Variants in DEPTOR observed in about 807,000 individuals in gnomAD.
The protein encoded by DEPTOR is DEP domain containing MTOR interacting protein.
A neutral mutation model predicts 41.6 loss-of-function variants in DEPTOR; 41 were observed. The ratio of observed to expected loss-of-function variants is 0.98; its 90% CI spans 0.77 to 1.28. DEPTOR has a LOEUF of 1.28. DEPTOR is among the 50% of genes most tolerant of loss of function. The pLI is 0.00. For synonymous variants in DEPTOR, 195 were observed against 192.3 expected (o/e 1.01, Z -0.12); for missense variants, 514 against 527.9 (o/e 0.97, Z 0.26).
chr8:119,952,679 G>C (rs1351216757), intron 3 of DEPTOR, among the ~76,000 whole-genome samples: 1 of 152,192 alleles, frequency 6.6e-6, no homozygotes, highest in Admixed American at 6.5e-5. Context: ...TGTGGGTTTG[G>C]TTTTCTGTTC....
At chr8:119,947,238 A>G (rs541400960) in intron 3 of DEPTOR, among the ~76,000 whole-genome samples, 6 of 152,194 alleles carry the variant, frequency 3.9e-5, no homozygotes, top group Non-Finnish European at 7.4e-5. Flanking sequence ...AGAAAGGGGG[A>G]CAAGGTAATT....
rs750307232 is a variant in DEPTOR, at chr8:120,049,661, C to A, written c.1187C>A (p.Pro396Gln). The A allele has an allele frequency of 1.2e-6, 2 of 1,613,952 alleles. No individual in the cohort carries two copies. Among genetic ancestry groups the A allele is most frequent in the South Asian group, 1.1e-5 (1 of 91,064 alleles). The change falls in exon 9 of 9, where the codon CCA becomes CAA. Residue 396 changes from proline (P) to glutamine (Q), a missense_variant. By Grantham distance (76) the Pro-to-Gln change is moderately conservative. Coordinates refer to ENST00000286234, the MANE Select transcript of DEPTOR (RefSeq NM_022783.4). ...GTGAGCAATCTGATTCTGACGGGCC[C>A]ACGGACGATTGTCATGGAAGTCATG... ...RTVSNLILTG[P>Q]RTIVMEVMEE...
chr8:119,915,965 A>AG (rs1261289163), intron 1 of DEPTOR, among the ~76,000 whole-genome samples: 8 of 146,954 alleles, frequency 5.4e-5, no homozygotes, highest in African/African-American at 2.1e-4. Flanking sequence ...AAAAAAAAAA[A>AG]AAGCTGAAAT....
At chr8:119,987,356 G>A (rs1828841678) in intron 4 of DEPTOR, among the ~76,000 whole-genome samples, 1 of 152,156 alleles carries the variant, frequency 6.6e-6, no homozygotes. Context: ...TATCACCAGT[G>A]GAGGCTACAG....
chr8:119,966,678 T>C (rs1828566408), intron 4 of DEPTOR, among the ~76,000 whole-genome samples: 1 of 152,154 alleles, frequency 6.6e-6, no homozygotes, highest in Admixed American at 6.5e-5. Flanking sequence ...GGATTTGCCA[T>C]GTTGGCCAGG....
At chr8:119,921,571 A>C (rs1777277128) in intron 1 of DEPTOR, among the ~76,000 whole-genome samples, 1 of 152,042 alleles carries the variant, frequency 6.6e-6, no homozygotes, top group Non-Finnish European at 1.5e-5. Flanking sequence ...CCCCCCCATC[A>C]TACTCAGTTT....
At chr8:119,991,043 T>TTTCTTTCC (rs1812154218) in intron 4 of DEPTOR, among the ~76,000 whole-genome samples, 1 of 78,722 alleles carries the variant, frequency 1.3e-5, no homozygotes, top group South Asian at 3.6e-4. Context: ...TCTTTCTTTC[T>TTTCTTTCC]TTCTTTCTTT....
Position 119,873,837 on chromosome 8 carries a change from C to T in DEPTOR, c.-10C>T, listed in dbSNP as rs768725454. On this transcript the variant is annotated 5_prime_UTR_variant, in exon 1 of 9. Transcript: ENST00000286234. ...AGCGGAGCCAGTGGTAGCCGCACGG[C>T]CCTAAAACCATGGAGGAGGGCGGCA... 1 of 1,612,436 alleles carries T rather than the reference C, an allele frequency of 6.2e-7. No individual in the cohort carries two copies. Among genetic ancestry groups the T allele is most frequent in the South Asian group, 1.1e-5 (1 of 90,976 alleles).
intron 3 of DEPTOR, among the ~76,000 whole-genome samples, chr8:119,954,962 G>A (rs564485575): frequency 5.3e-5 from 8 of 152,160 alleles, no homozygotes; most frequent in Admixed American, 2.0e-4. Flanking sequence ...GGGTTCAAGC[G>A]ATTCTCCTGC....
intron 4 of DEPTOR, among the ~76,000 whole-genome samples, chr8:119,979,661 G>A (rs1828738307): frequency 6.8e-6 from 1 of 147,574 alleles, no homozygotes; most frequent in African/African-American, 2.5e-5. Context: ...TCCATCCAAG[G>A]AAGGCCTGCG....
At chr8:119,953,613 A>G (rs1828381118) in intron 3 of DEPTOR, among the ~76,000 whole-genome samples, 1 of 151,584 alleles carries the variant, frequency 6.6e-6, no homozygotes, top group Non-Finnish European at 1.5e-5. Flanking sequence ...AAAGAAAGAA[A>G]GAAATATGAT....
intron 4 of DEPTOR, among the ~76,000 whole-genome samples, chr8:119,987,624 C>T (rs975607560): frequency 2.0e-5 from 3 of 152,120 alleles, no homozygotes; most frequent in African/African-American, 7.2e-5. Flanking sequence ...GCTGAAGCGG[C>T]GCCAACAGCT....
chr8:120,031,945 G>A (rs1197734386), intron 8 of DEPTOR, among the ~76,000 whole-genome samples: 2 of 152,094 alleles, frequency 1.3e-5, no homozygotes, highest in Non-Finnish European at 2.9e-5. Flanking sequence ...GGACCTGGTG[G>A]TGAGCTGAGG....
chr8:120,003,147 G>T, intron 6 of DEPTOR, 36 bp downstream of exon 6: 2 of 1,601,198 alleles, frequency 1.2e-6, no homozygotes, highest in East Asian at 4.5e-5. Flanking sequence ...TCCTAAGACT[G>T]TGGGGACTTG....
chr8:120,000,756 C>A (rs1318740978), intron 4 of DEPTOR, among the ~76,000 whole-genome samples: 1 of 151,918 alleles, frequency 6.6e-6, no homozygotes, highest in African/African-American at 2.4e-5. Flanking sequence ...AGCCACCGCA[C>A]CTGGCCTCAA....
chr8:119,912,978 T>C (rs973181281), intron 1 of DEPTOR, among the ~76,000 whole-genome samples: 3 of 152,202 alleles, frequency 2.0e-5, no homozygotes, highest in Admixed American at 2.0e-4. Context: ...TGGAGTGCAG[T>C]GGCCCGATAT....
At chr8:119,991,371 A>G (rs1812170595) in intron 4 of DEPTOR, among the ~76,000 whole-genome samples, 1 of 151,924 alleles carries the variant, frequency 6.6e-6, no homozygotes, top group Non-Finnish European at 1.5e-5. Flanking sequence ...GCTGGAGTGC[A>G]GTGGCACAAT....
At chr8:119,982,903 TG>T (rs1828785679) in intron 4 of DEPTOR, among the ~76,000 whole-genome samples, 1 of 152,218 alleles carries the variant, frequency 6.6e-6, no homozygotes, top group Admixed American at 6.6e-5. Flanking sequence ...GTGACTCATA[TG>T]GTTTTGGCTG....
chr8:119,940,929 G>A (rs1828194929), intron 3 of DEPTOR, among the ~76,000 whole-genome samples: 1 of 152,084 alleles, frequency 6.6e-6, no homozygotes, highest in Admixed American at 6.6e-5. Flanking sequence ...GTAGAATGGT[G>A]GTTGCTAGGA....
Sources: allele counts gnomAD v4.1 joint callset (sites outside exome capture counted in the v4.1 genomes callset), GRCh38; gene constraint gnomAD v4.1.1; transcripts MANE v1.5; gene names NCBI Gene and HGNC (gene_info 2026-07-23, HGNC 2026-07-21).